The following UNC13C variants were observed in gnomAD, a reference collection of about 807,000 sequenced individuals.
UNC13C encodes protein unc-13 homolog C.
Under a neutral mutation model 245.4 loss-of-function variants are expected in UNC13C, and 174 were observed. That is an observed-to-expected ratio of 0.71 (90% CI 0.63 to 0.80). UNC13C has a LOEUF of 0.80. UNC13C is among the 30% of genes least tolerant of loss of function. The pLI is 0.00. For synonymous variants in UNC13C, 992 were observed against 895.1 expected, an observed-to-expected ratio of 1.11 and a Z score of -1.93; for missense variants, 2,829 against 2,602.9, an observed-to-expected ratio of 1.09 and a Z score of -1.89.
At chr15:53,939,145 A>G in the UNC13C span, among the ~76,000 whole-genome samples, 1 of 152,192 alleles carries the variant, frequency 6.6e-6, no homozygotes. Context: ...ACAATCAGAT[A>G]CAAGGGGGAT....
chr15:54,431,975 G>A (rs867512698), intron 19 of UNC13C, among the ~76,000 whole-genome samples: 2 of 151,460 alleles, frequency 1.3e-5, no homozygotes, highest in African/African-American at 2.4e-5. Flanking sequence ...TATCAAGTTA[G>A]CACATGTACC....
At chr15:54,153,600 T>A (rs2032618112) in intron 4 of UNC13C, among the ~76,000 whole-genome samples, 1 of 152,066 alleles carries the variant, frequency 6.6e-6, no homozygotes, top group African/African-American at 2.4e-5. Flanking sequence ...ACATCAATAA[T>A]GCTCATTTCT....
chr15:54,267,864 G>A (rs1437974241), intron 10 of UNC13C, among the ~76,000 whole-genome samples: 1 of 151,964 alleles, frequency 6.6e-6, no homozygotes, highest in Admixed American at 6.6e-5. Context: ...TCTGCTGTCT[G>A]TTTGGAGGCT....
At chr15:54,458,680 CTTTTT>C (rs79291504) in intron 19 of UNC13C, among the ~76,000 whole-genome samples, 1 of 65,974 alleles carries the variant, frequency 1.5e-5, no homozygotes, top group Non-Finnish European at 2.6e-5. Flanking sequence ...CCTTTAAGGT[CTTTTT>C]TTTTTTTTTT....
upstream of UNC13C, among the ~76,000 whole-genome samples, chr15:53,976,473 C>CTTTTTTTTTTTTTT (rs1164175117): frequency 7.3e-5 from 2 of 27,518 alleles, no homozygotes; most frequent in Non-Finnish European, 1.2e-4. Flanking sequence ...CTCTCTCTCT[C>CTTTTTTTTTTTTTT]TCTCTTTTTT....
At chr15:54,122,131 T>C (rs1335722831) in intron 2 of UNC13C, among the ~76,000 whole-genome samples, 1 of 151,994 alleles carries the variant, frequency 6.6e-6, no homozygotes, top group East Asian at 1.9e-4. Flanking sequence ...TGTTCCATTT[T>C]TTTTTTCTTA....
chr15:53,954,660 T>A, the UNC13C span, among the ~76,000 whole-genome samples: 4 of 152,140 alleles, frequency 2.6e-5, no homozygotes, highest in African/African-American at 9.7e-5. Context: ...GGGGTATGAG[T>A]TAGATTGGCC....
intron 13 of UNC13C, among the ~76,000 whole-genome samples, chr15:54,313,798 A>C (rs2037936080): frequency 6.6e-6 from 1 of 151,762 alleles, no homozygotes; most frequent in South Asian, 2.1e-4. Context: ...AAAGTAAATA[A>C]AATCATTATG....
chr15:54,213,129 A>G (rs1046933860), intron 4 of UNC13C, among the ~76,000 whole-genome samples: 3 of 152,022 alleles, frequency 2.0e-5, no homozygotes, highest in East Asian at 1.9e-4. Flanking sequence ...GTGTGTCTAT[A>G]TGCTTGTTTT....
chr15:54,127,535 TCA>T (rs2031126124), intron 2 of UNC13C, among the ~76,000 whole-genome samples: 1 of 151,626 alleles, frequency 6.6e-6, no homozygotes, highest in Middle Eastern at 3.2e-3. Flanking sequence ...GAGGGGAACA[TCA>T]CACACTGGGG....
At chr15:54,373,588 C>G (rs957735917) in intron 17 of UNC13C, among the ~76,000 whole-genome samples, 1 of 152,174 alleles carries the variant, frequency 6.6e-6, no homozygotes, top group Non-Finnish European at 1.5e-5. Flanking sequence ...ACTGCTGGCA[C>G]CAGGGAACAT....
At chr15:54,612,908 T>A (rs1463077914) in intron 30 of UNC13C, among the ~76,000 whole-genome samples, 1 of 151,914 alleles carries the variant, frequency 6.6e-6, no homozygotes, top group Non-Finnish European at 1.5e-5. Flanking sequence ...AGGCTTGCAT[T>A]TTGTCAGTAT....
chr15:54,489,025 G>A (rs978549915), intron 19 of UNC13C, among the ~76,000 whole-genome samples: 2 of 152,070 alleles, frequency 1.3e-5, no homozygotes, highest in Non-Finnish European at 2.9e-5. Flanking sequence ...CTATATTTTT[G>A]AATTTGATAT....
chr15:54,449,096 A>G (rs1412566580), intron 19 of UNC13C, among the ~76,000 whole-genome samples: 1 of 152,134 alleles, frequency 6.6e-6, no homozygotes, highest in African/African-American at 2.4e-5. Flanking sequence ...AATGTTGAAT[A>G]TTGGCCCCCA....
chr15:54,346,758 A>G (rs1299554618), intron 17 of UNC13C, among the ~76,000 whole-genome samples: 1 of 152,042 alleles, frequency 6.6e-6, no homozygotes, highest in Non-Finnish European at 1.5e-5. Flanking sequence ...TAGCTTAGGA[A>G]CTCCAATGTG....
the UNC13C span, among the ~76,000 whole-genome samples, chr15:53,883,504 G>A: frequency 2.0e-5 from 3 of 152,256 alleles, no homozygotes; most frequent in East Asian, 3.9e-4. Flanking sequence ...TAACCTGAAA[G>A]GAGAGGACCA....
chr15:53,973,943 A>G (rs936798969), upstream of UNC13C, among the ~76,000 whole-genome samples: 7 of 152,192 alleles, frequency 4.6e-5, no homozygotes, highest in Admixed American at 3.9e-4. Context: ...TTGTATAAGT[A>G]AATACTTGTC....
chr15:54,378,213 C>G (rs62012041), intron 17 of UNC13C, among the ~76,000 whole-genome samples: 30,541 of 151,996 alleles, frequency 0.2, 3,121 homozygotes, highest in Middle Eastern at 0.25. Context: ...TCCAAGTTAT[C>G]TTCTAGTCTT....
At chr15:54,353,095 A>G (rs941766296) in intron 17 of UNC13C, among the ~76,000 whole-genome samples, 1 of 152,198 alleles carries the variant, frequency 6.6e-6, no homozygotes, top group Non-Finnish European at 1.5e-5. Context: ...TATACAATAA[A>G]TAAAATTTGT....
Sources: allele counts gnomAD v4.1 joint callset (sites outside exome capture counted in the v4.1 genomes callset), GRCh38; gene constraint gnomAD v4.1.1; transcripts MANE v1.5; gene names NCBI Gene and HGNC (gene_info 2026-07-23, HGNC 2026-07-21).